Variants in ESPL1 observed in about 807,000 individuals in gnomAD.
ESPL1 encodes the protein separin.
ESPL1 carries 50 observed loss-of-function variants against 217.2 expected under a neutral mutation model. The ratio of observed to expected loss-of-function variants is 0.23; its 90% CI spans 0.18 to 0.29. The LOEUF (loss-of-function observed/expected upper bound fraction) is 0.29. Among genes scored for constraint, ESPL1 ranks in the 10% least tolerant of loss-of-function variants. The pLI is 1.00. For missense variants in ESPL1, 1,834 were observed against 2,603.0 expected, an observed-to-expected ratio of 0.70 and a Z score of 6.43; for synonymous variants, 994 against 1,081.3, an observed-to-expected ratio of 0.92 and a Z score of 1.58.
rs142528308 is a variant in ESPL1, at chr12:53,268,793, T to C, written c.27T>C (p.Phe9=). The C allele has an allele frequency of 8.4e-5, 136 of 1,612,622 alleles. No homozygotes were observed. In the South Asian group the frequency reaches 1.2e-3, roughly 15 times the overall value. ...TGAGGAGCTTCAAAAGAGTCAACTT[T>C]GGGACTCTGCTAAGCAGCCAGAAGG... is the stretch of plus-strand genomic sequence containing the variant. The part of the protein sequence containing the change: MRSFKRVN[F]GTLLSSQKEA... Residue 9 remains phenylalanine, a synonymous_variant, in exon 2 of 31, where the codon TTT becomes TTC. Transcript: ENST00000257934.
At position 53,284,159 on chromosome 12, in the gene ESPL1, C is replaced by A; in HGVS notation, c.3179C>A (p.Ser1060Tyr). 1.2e-6 allele frequency: 2 copies of A among 1,605,250 alleles called. No individual in the cohort carries two copies. ...CAGCAGGTTCTGTTCTTGCTTGAGT[C>A]TTGCACAGGTGAGCAGCCATGTCCC... ...DLQQVLFLLESCTEFGGVTQH... is the reference protein window; with the variant it reads ...DLQQVLFLLEYCTEFGGVTQH... The change falls in exon 17 of 31, where the codon TCT becomes TAT. Residue 1060 changes from serine to tyrosine, a missense_variant. Physicochemically the swap from Ser to Tyr is moderately radical, Grantham distance 144. Coordinates refer to ENST00000257934, the MANE Select transcript of ESPL1 (RefSeq NM_012291.5).
rs762604425 is a variant in ESPL1 at position 53,290,308 on chromosome 12, C to T, written c.5242-39C>T. The T allele has an allele frequency of 3.7e-6, 6 of 1,610,604 alleles. No individual in the cohort carries two copies. In the South Asian group the frequency reaches 4.4e-5, roughly 12 times the overall value. On this transcript the variant is annotated intron_variant, in intron 23 of 30. Transcript: ENST00000257934. ...TTGAGGGAGGGAGAGATGGTGATCA[C>T]GTGGACAAGCAGAGCTCTCACAGCC...
intron 18 of ESPL1, among the ~76,000 whole-genome samples, 162 bp downstream of exon 18, chr12:53,287,074 T>G (rs1270084047): frequency 6.6e-6 from 1 of 151,964 alleles, no homozygotes; most frequent in African/African-American, 2.4e-5. Context: ...TGCTTTTTTG[T>G]TTTTTGTTGT....
chr12:53,274,440 C>G (rs1156918115), intron 6 of ESPL1: 1 of 190,202 alleles, frequency 5.3e-6, no homozygotes, highest in East Asian at 1.8e-4. Context: ...TGCAGTGGAT[C>G]GGTGCGAGAA....
At chr12:53,291,093 AGGAGCTCG>A (rs1208570766) in intron 25 of ESPL1, 97 bp downstream of exon 25, 39 of 1,067,234 alleles carry the variant, frequency 3.7e-5, no homozygotes, top group Middle Eastern at 6.2e-4. Flanking sequence ...GCTTGAGCTC[AGGAGCTCG>A]AGACCAGCCT....
chr12:53,278,428 A>T (rs1321957488), intron 11 of ESPL1, among the ~76,000 whole-genome samples: 2 of 151,192 alleles, frequency 1.3e-5, no homozygotes, highest in African/African-American at 2.4e-5. Context: ...GTGAGCCAAG[A>T]TCGCGCCACT....
Position 53,282,506 on chromosome 12 carries a change from C to A in ESPL1, c.2791+71C>A. 1 of 1,399,990 alleles carries A rather than the reference C, an allele frequency of 7.1e-7. No homozygotes were observed. Among genetic ancestry groups the A allele is most frequent in the Non-Finnish European group, 1.0e-6 (1 of 1,004,048 alleles). The allele number at this position is 1,399,990 out of a possible 1,614,324, so 86.7% of individuals were successfully genotyped here. A position where few individuals can be genotyped will look rare whatever the true frequency, so the allele number is the denominator to read the frequency against. On this transcript the variant is annotated intron_variant, in intron 14 of 30. Transcript: ENST00000257934. The surrounding 1 kb of genome is among the most constrained non-coding windows in gnomAD (Gnocchi z 4.0). ...CTGTCTGCTGTCAGCTCTTCTCAAA[C>A]CTCATCCCCTCTGCTGGCTAACTAT... is the stretch of plus-strand genomic sequence containing the variant.
rs773546919 is a variant in ESPL1 at position 53,270,720 on chromosome 12, A to C, written c.1291A>C (p.Lys431Gln). 9.3e-6 allele frequency: 15 copies of C among 1,614,042 alleles called. No homozygotes were observed. The highest frequency in any genetic ancestry group is 4.0e-5 in the African/African-American group (3 of 74,916). The change falls in exon 5 of 31, where the codon AAA (lysine) becomes CAA (glutamine). Residue 431 changes from lysine to glutamine, a missense_variant. Transcript: ENST00000257934. Reference sequence around the variant, plus strand: ...CCTGACCCAACTAGTGGACAGTTGTAAATCTACCGTTGTCTGGATGCTGGA... The same window carrying C: ...CCTGACCCAACTAGTGGACAGTTGTCAATCTACCGTTGTCTGGATGCTGGA... ...ADLTQLVDSC[K>Q]STVVWMLEAL...
In ESPL1 at chr12:53,287,958, C is replaced by T; in HGVS notation, c.4177-14C>T. ...AAGACCTCTTAGCCCTTCACCCTTT[C>T]ACTCTGATCTCAGGTGAACTTCAGT... On this transcript the variant is annotated splice_polypyrimidine_tract_variant and intron_variant, in intron 18 of 30. Coordinates refer to ENST00000257934, the MANE Select transcript of ESPL1 (RefSeq NM_012291.5). The T allele has an allele frequency of 6.3e-7, 1 of 1,576,666 alleles. No homozygotes were observed. Among genetic ancestry groups the T allele is most frequent in the South Asian group, 1.2e-5 (1 of 85,366 alleles).
Position 53,272,746 on chromosome 12 carries a change from C to T in ESPL1, c.1395C>T (p.Tyr465=), listed in dbSNP as rs1403318043. ...CTTCTTACACCAGTAATTTGGCCTA[C>T]AGCTTCTATAGTCACAAGCTCTATG... ...MTASYTSNLA[Y]SFYSHKLYAE... is the part of the protein sequence containing the mutation. Residue 465 remains tyrosine, a synonymous_variant, in exon 6 of 31, where the codon TAC becomes TAT. Coordinates refer to ENST00000257934, the MANE Select transcript of ESPL1 (RefSeq NM_012291.5). 1.9e-6 allele frequency: 3 copies of T among 1,614,038 alleles called. No homozygotes were observed. The highest frequency in any genetic ancestry group is 1.7e-5 in the Admixed American group (1 of 60,002).
chr12:53,275,155 C>A, intron 7 of ESPL1, 145 bp downstream of exon 7: 1 of 622,740 alleles, frequency 1.6e-6, no homozygotes, highest in Non-Finnish European at 2.7e-6. Context: ...CAAAAATTAG[C>A]TGGGCATTGG....
Position 53,292,831 on chromosome 12 carries a change from C to T in ESPL1, c.6022C>T (p.Arg2008Cys). 3.1e-6 allele frequency: 5 copies of T among 1,610,484 alleles called. No individual in the cohort carries two copies. Among genetic ancestry groups the T allele is most frequent in the Non-Finnish European group, 3.4e-6 (4 of 1,180,012 alleles). Reference sequence around the variant, plus strand: ...CTATGCAGGGCATGGGGCTGGTGCCCGCTTCCTTGATGGGCAGGCTGTCCT... The same window carrying T: ...CTATGCAGGGCATGGGGCTGGTGCCTGCTTCCTTGATGGGCAGGCTGTCCT... The part of the protein sequence containing the change: ...YIYAGHGAGA[R>C]FLDGQAVLRL... Residue 2008 changes from arginine (R) to cysteine (C), a missense_variant, in exon 30 of 31, where the codon CGC becomes TGC. Coordinates refer to ENST00000257934, the MANE Select transcript of ESPL1 (RefSeq NM_012291.5). This position sits in a 1 kb window ranked among gnomAD's most constrained non-coding sequence, Gnocchi z 4.5.
At chr12:53,277,732 C>T (rs1489686411) in intron 10 of ESPL1, 89 bp from the exon 11 acceptor site, 21 of 1,571,666 alleles carry the variant, frequency 1.3e-5, no homozygotes, top group Middle Eastern at 1.7e-4. Context: ...GGGAGGTTGG[C>T]GTAAAGGGCA....
intron 25 of ESPL1, 51 bp downstream of exon 25, chr12:53,291,047 A>G (rs1944048760): frequency 1.3e-6 from 2 of 1,500,926 alleles, no homozygotes; most frequent in Non-Finnish European, 1.8e-6. Context: ...TTGCACCTGT[A>G]ATCCCAGCAC....
At chr12:53,290,255 C>A in intron 23 of ESPL1, 43 bp downstream of exon 23, 1 of 1,611,962 alleles carries the variant, frequency 6.2e-7, no homozygotes, top group Non-Finnish European at 8.5e-7. Context: ...CTGGATTGGG[C>A]TTCGGGTCAA....
intron 6 of ESPL1, among the ~76,000 whole-genome samples, 169 bp from the exon 7 acceptor site, chr12:53,274,648 A>T (rs534905654): frequency 1.3e-5 from 2 of 152,254 alleles, no homozygotes; most frequent in Admixed American, 1.3e-4. Flanking sequence ...AGGCACTCAG[A>T]GTATTTCATT....
intron 17 of ESPL1, among the ~76,000 whole-genome samples, chr12:53,285,708 CA>C (rs376343410): frequency 6.5e-5 from 8 of 123,750 alleles, no homozygotes; most frequent in Non-Finnish European, 5.1e-5. Flanking sequence ...GACTCCATCT[CA>C]AAAAAAAAAG....
At chr12:53,270,203 A>G in intron 3 of ESPL1, 118 bp downstream of exon 3, 1 of 1,033,108 alleles carries the variant, frequency 9.7e-7, no homozygotes, top group Non-Finnish European at 1.4e-6. Flanking sequence ...CTCTCTGGAC[A>G]GTGCCTAGCG....
Position 53,288,642 on chromosome 12 carries a change from G to T in ESPL1, c.4651G>T (p.Glu1551Ter). The change falls in exon 20 of 31, where the codon GAG becomes TAG. Residue 1551 changes from glutamate to a stop codon, truncating the protein, a stop_gained. Transcript: ENST00000257934. LOFTEE classifies it high-confidence loss of function. Reference protein sequence around the residue: ...KKLPSPCPDKESDKDLGPRLR... With the variant: ...KKLPSPCPDK ...GCTGCCCAGCCCATGCCCAGACAAG[G>T]AGAGTGACAAGGACCTTGGTCCTCG... 1 of 1,614,004 alleles carries T rather than the reference G, an allele frequency of 6.2e-7. No individual in the cohort carries two copies. Among genetic ancestry groups the T allele is most frequent in the South Asian group, 1.1e-5 (1 of 91,080 alleles).
Sources: gnomAD v4.1 joint callset for allele counts (sites outside exome capture counted in the v4.1 genomes callset) on GRCh38, gnomAD v4.1.1 for gene constraint, Gnocchi (gnomAD v3.1) non-coding constraint, MANE v1.5 for transcripts, NCBI Gene and HGNC (gene_info 2026-07-23, HGNC 2026-07-21) for gene names.